NR2C2: variants seen among roughly 807,000 people sequenced by gnomAD.
The protein encoded by NR2C2 is nuclear receptor subfamily 2 group C member 2.
NR2C2 carries 6 observed loss-of-function variants against 62.9 expected under a neutral mutation model. That is an observed-to-expected ratio of 0.10 (90% confidence interval 0.05 to 0.19). NR2C2 has a LOEUF of 0.19. Among genes scored for constraint, NR2C2 ranks in the 10% least tolerant of loss-of-function variants. The pLI, the probability that NR2C2 is intolerant of heterozygous loss-of-function variation, is 1.00. For missense variants in NR2C2, 479 were observed against 762.7 expected (o/e 0.63, Z 4.38); for synonymous variants, 272 against 273.8 (o/e 0.99, Z 0.07).
intron 1 of NR2C2, among the ~76,000 whole-genome samples, chr3:14,994,052 T>C (rs549752382): frequency 6.6e-4 from 101 of 152,320 alleles, no homozygotes; most frequent in African/African-American, 2.4e-3. Flanking sequence ...ACAGAGTAAG[T>C]GCTTACCAGG....
chr3:14,948,568 C>G (rs2039222547), intron 1 of NR2C2: 1 of 94,948 alleles, frequency 1.1e-5, no homozygotes, highest in African/African-American at 4.2e-5. Context: ...GAGGCCGGGG[C>G]GAAGAGTGGG....
At chr3:14,963,217 A>G (rs906504708) in intron 1 of NR2C2, among the ~76,000 whole-genome samples, 1 of 152,232 alleles carries the variant, frequency 6.6e-6, no homozygotes, top group Non-Finnish European at 1.5e-5. Context: ...CTAATTGCAT[A>G]CTTTGGGCAT....
intron 1 of NR2C2, among the ~76,000 whole-genome samples, chr3:14,970,271 G>T (rs577396384): frequency 9.5e-4 from 130 of 136,140 alleles, no homozygotes; most frequent in African/African-American, 3.1e-3. Context: ...GGCCGGGGGT[G>T]GGGGGTGGGG....
At chr3:14,986,695 C>A (rs1003505651) in intron 1 of NR2C2, among the ~76,000 whole-genome samples, 1 of 152,104 alleles carries the variant, frequency 6.6e-6, no homozygotes, top group African/African-American at 2.4e-5. Flanking sequence ...TTATTGGTCA[C>A]AGAAAATAGA....
At chr3:15,036,663 A>G (rs750495425) in intron 11 of NR2C2, among the ~76,000 whole-genome samples, 9 of 152,102 alleles carry the variant, frequency 5.9e-5, no homozygotes, top group Admixed American at 6.5e-5. Context: ...GATAATTTTT[A>G]TATTTTTTAA....
intron 1 of NR2C2, among the ~76,000 whole-genome samples, chr3:14,948,916 G>A (rs1028845428): frequency 6.6e-6 from 1 of 152,146 alleles, no homozygotes; most frequent in Non-Finnish European, 1.5e-5. Flanking sequence ...TCTGAGCATT[G>A]TTTGTGGGGC....
intron 3 of NR2C2, among the ~76,000 whole-genome samples, chr3:15,015,288 C>T (rs2041477108): frequency 6.6e-6 from 1 of 152,146 alleles, no homozygotes; most frequent in South Asian, 2.1e-4. Context: ...TTTAAAATAA[C>T]AGCTATTTTT....
At chr3:14,984,692 G>A (rs1474224559) in intron 1 of NR2C2, among the ~76,000 whole-genome samples, 1 of 152,140 alleles carries the variant, frequency 6.6e-6, no homozygotes, top group Admixed American at 6.5e-5. Context: ...TTCACCTGTT[G>A]ATGGACATTT....
At chr3:15,022,596 G>A (rs1293494787) in intron 5 of NR2C2, among the ~76,000 whole-genome samples, 3 of 152,020 alleles carry the variant, frequency 2.0e-5, no homozygotes, top group African/African-American at 4.8e-5. Context: ...AATAGAGGCC[G>A]GGTTTTGCCA....
At chr3:14,994,545 C>T (rs1341703574) in intron 1 of NR2C2, among the ~76,000 whole-genome samples, 1 of 141,182 alleles carries the variant, frequency 7.1e-6, no homozygotes, top group African/African-American at 2.7e-5. Flanking sequence ...TGGGTTTAAG[C>T]GATTCTTCTG....
intron 11 of NR2C2, among the ~76,000 whole-genome samples, chr3:15,035,489 A>G (rs1368240954): frequency 6.6e-6 from 1 of 152,248 alleles, no homozygotes; most frequent in Non-Finnish European, 1.5e-5. Flanking sequence ...ATAATAGTTC[A>G]CAGATCCTCA....
chr3:14,986,525 C>T (rs1245325141), intron 1 of NR2C2, among the ~76,000 whole-genome samples: 1 of 152,130 alleles, frequency 6.6e-6, no homozygotes, highest in Non-Finnish European at 1.5e-5. Context: ...AAGATCCATA[C>T]CTTATGTGGA....
At chr3:15,006,776 CTT>C (rs750432241) in intron 2 of NR2C2, among the ~76,000 whole-genome samples, 63 of 135,146 alleles carry the variant, frequency 4.7e-4, no homozygotes, top group Admixed American at 4.5e-4. Context: ...AGCCTTGAAT[CTT>C]TTTTTTTTTT....
intron 1 of NR2C2, among the ~76,000 whole-genome samples, chr3:14,992,526 A>G (rs933037923): frequency 6.6e-6 from 1 of 152,186 alleles, no homozygotes; most frequent in African/African-American, 2.4e-5. Flanking sequence ...TGTGGGCCTA[A>G]TATGTGCCTG....
intron 11 of NR2C2, 40 bp from the exon 12 acceptor site, chr3:15,037,960 C>T: frequency 6.3e-7 from 1 of 1,590,086 alleles, no homozygotes; most frequent in South Asian, 1.1e-5. Flanking sequence ...TTTTATTGTT[C>T]TTACCAGCCT....
chr3:14,971,533 TAC>T (rs1181096076), intron 1 of NR2C2, among the ~76,000 whole-genome samples: 1 of 151,732 alleles, frequency 6.6e-6, no homozygotes, highest in Non-Finnish European at 1.5e-5. Flanking sequence ...CTTAGGTTTC[TAC>T]ATTTGATTTT....
intron 4 of NR2C2, among the ~76,000 whole-genome samples, chr3:15,019,963 G>A (rs1305732607): frequency 6.6e-6 from 1 of 152,180 alleles, no homozygotes; most frequent in Non-Finnish European, 1.5e-5. Flanking sequence ...CACTCTATCT[G>A]ATTTGATCAT....
intron 1 of NR2C2, among the ~76,000 whole-genome samples, chr3:14,983,291 T>C (rs2040425064): frequency 6.6e-6 from 1 of 152,122 alleles, no homozygotes; most frequent in Non-Finnish European, 1.5e-5. Flanking sequence ...CCATTCTCTA[T>C]CTCCATGAGT....
chr3:15,037,975 C>T, intron 11 of NR2C2, 25 bp from the exon 12 acceptor site: 3 of 1,604,170 alleles, frequency 1.9e-6, no homozygotes, highest in Non-Finnish European at 2.6e-6. Context: ...CAGCCTTTCT[C>T]AGGATCTGTG....
Sources: allele counts gnomAD v4.1 joint callset (sites outside exome capture counted in the v4.1 genomes callset), GRCh38; gene constraint gnomAD v4.1.1; transcripts MANE v1.5; gene names NCBI Gene and HGNC (gene_info 2026-07-23, HGNC 2026-07-21).